MAF: variants seen among roughly 807,000 people sequenced by gnomAD.
MAF encodes the protein transcription factor Maf.
In MAF, 10 loss-of-function variants were observed where a neutral mutation model predicts 22.0. That is an observed-to-expected ratio of 0.45 (90% CI 0.28 to 0.77). The LOEUF (loss-of-function observed/expected upper bound fraction) is 0.77, where lower values mean the gene tolerates loss of function less well. MAF is among the 30% of genes least tolerant of loss of function. MAF has a pLI of 0.12. For synonymous variants in MAF, 337 were observed against 255.8 expected (o/e 1.32, Z -3.03); for missense variants, 544 against 548.4 (o/e 0.99, Z 0.08).
At chr16:79,233,000 A>T in the MAF span, among the ~76,000 whole-genome samples, 1 of 151,380 alleles carries the variant, frequency 6.6e-6, no homozygotes, top group Non-Finnish European at 1.5e-5. Context: ...GCCTCCATGC[A>T]CGGCTAATGT....
the MAF span, among the ~76,000 whole-genome samples, chr16:79,299,964 C>T: frequency 9.8e-4 from 150 of 152,298 alleles, no homozygotes; most frequent in African/African-American, 3.6e-3. Flanking sequence ...TTAGCTTGTC[C>T]ACCTCTTGTG....
chr16:79,298,978 T>G, the MAF span, among the ~76,000 whole-genome samples: 1 of 152,264 alleles, frequency 6.6e-6, no homozygotes, highest in Non-Finnish European at 1.5e-5. Context: ...CCACCAATGC[T>G]TGCTCCTGGT....
At chr16:79,400,203 T>C in the MAF span, among the ~76,000 whole-genome samples, 1 of 152,132 alleles carries the variant, frequency 6.6e-6, no homozygotes, top group African/African-American at 2.4e-5. Context: ...AAAGAATGAA[T>C]TGTCCCAAAA....
chr16:79,389,567 T>C, the MAF span, among the ~76,000 whole-genome samples: 4,526 of 152,208 alleles, frequency 0.03, 96 homozygotes, highest in Non-Finnish European at 0.05. Context: ...CAGCTAAAGA[T>C]TGCTCTTCTT....
the MAF span, among the ~76,000 whole-genome samples, chr16:79,269,272 C>T: frequency 6.6e-6 from 1 of 152,174 alleles, no homozygotes; most frequent in East Asian, 1.9e-4. Flanking sequence ...ATGTGCTTCT[C>T]GGGCTTGGGT....
chr16:79,455,430 T>A, the MAF span, among the ~76,000 whole-genome samples: 3 of 152,192 alleles, frequency 2.0e-5, no homozygotes, highest in Non-Finnish European at 2.9e-5. Flanking sequence ...CTAAACCCAG[T>A]AGACTAGTAC....
the MAF span, among the ~76,000 whole-genome samples, chr16:79,539,319 A>G: frequency 0.071 from 10,744 of 152,284 alleles, 443 homozygotes; most frequent in South Asian, 0.15. Context: ...CCTGGCCAAC[A>G]TGGTAAAACC....
the MAF span, among the ~76,000 whole-genome samples, chr16:79,376,856 T>C: frequency 1.3e-5 from 2 of 152,250 alleles, no homozygotes; most frequent in Admixed American, 1.3e-4. Flanking sequence ...CATGAACTCA[T>C]CATTTTTTAT....
At chr16:79,409,962 G>T in the MAF span, among the ~76,000 whole-genome samples, 2 of 152,150 alleles carry the variant, frequency 1.3e-5, no homozygotes, top group Non-Finnish European at 2.9e-5. Flanking sequence ...GCCTGAGAAA[G>T]ACTCCATACC....
At chr16:79,329,194 C>T in the MAF span, among the ~76,000 whole-genome samples, 6 of 152,048 alleles carry the variant, frequency 3.9e-5, no homozygotes, top group African/African-American at 1.4e-4. Flanking sequence ...CCTTATTTCC[C>T]CCTCTCTGCT....
chr16:79,274,240 C>G, the MAF span, among the ~76,000 whole-genome samples: 17 of 136,742 alleles, frequency 1.2e-4, no homozygotes, highest in Non-Finnish European at 2.2e-4. Flanking sequence ...TAGGCATGAG[C>G]CACTTTGCCC....
the MAF span, among the ~76,000 whole-genome samples, chr16:79,433,285 T>A: frequency 3.7e-3 from 531 of 144,352 alleles, 3 homozygotes; most frequent in African/African-American, 0.011. Flanking sequence ...AAAATATATA[T>A]ATATATATAT....
At chr16:79,416,324 C>T in the MAF span, among the ~76,000 whole-genome samples, 15 of 152,208 alleles carry the variant, frequency 9.9e-5, no homozygotes, top group Admixed American at 3.3e-4. Context: ...TATTGGGAAG[C>T]GTCTCTGTGA....
At chr16:79,508,835 T>C in the MAF span, among the ~76,000 whole-genome samples, 1 of 152,076 alleles carries the variant, frequency 6.6e-6, no homozygotes, top group African/African-American at 2.4e-5. Context: ...AGACAGACAG[T>C]AGATTAACAG....
intron 1 of MAF, chr16:79,595,855 C>G: frequency 9.4e-7 from 1 of 1,058,404 alleles, no homozygotes; most frequent in Non-Finnish European, 1.1e-6. Context: ...CAGATATGTA[C>G]TTGGAAATAT....
At chr16:79,290,047 G>A in the MAF span, among the ~76,000 whole-genome samples, 28 of 151,996 alleles carry the variant, frequency 1.8e-4, 1 homozygote, top group Middle Eastern at 6.8e-3. Context: ...AGTAGAGACG[G>A]GGTTTCACCA....
At chr16:79,240,487 GAAAAAAAAAAAA>G in the MAF span, among the ~76,000 whole-genome samples, 23 of 60,730 alleles carry the variant, frequency 3.8e-4, no homozygotes, top group Admixed American at 1.1e-3. Flanking sequence ...AGCATCTCTG[GAAAAAAAAAAAA>G]AAAAAAAAAA....
the MAF span, among the ~76,000 whole-genome samples, chr16:79,302,186 CT>C: frequency 1.3e-5 from 2 of 152,236 alleles, no homozygotes; most frequent in Non-Finnish European, 2.9e-5. Context: ...GGAAAGACCA[CT>C]GCTTGGAATG....
At chr16:79,525,909 G>C in the MAF span, among the ~76,000 whole-genome samples, 15 of 152,294 alleles carry the variant, frequency 9.8e-5, no homozygotes, top group African/African-American at 3.4e-4. Context: ...TGCTCTATAA[G>C]TCAAAGCCCT....
Sources: allele counts gnomAD v4.1 joint callset (sites outside exome capture counted in the v4.1 genomes callset), GRCh38; gene constraint gnomAD v4.1.1; transcripts MANE v1.5; gene names NCBI Gene and HGNC (gene_info 2026-07-23, HGNC 2026-07-21).